The following MESP1 variants were observed in gnomAD, a reference collection of about 807,000 sequenced individuals.
MESP1 encodes the protein mesoderm posterior bHLH transcription factor 1, also known as mesoderm posterior protein 1.
MESP1 carries 22 observed loss-of-function variants against 15.2 expected under a neutral mutation model. The observed-to-expected ratio is 1.45, with a 90% CI of 1.04 to 2.07. MESP1 has a LOEUF of 2.07. Among genes scored for constraint, MESP1 ranks in the 30% most tolerant of loss-of-function variants. The pLI is 0.00. For missense variants in MESP1, 484 were observed against 411.9 expected (o/e 1.17, Z -1.51); for synonymous variants, 216 against 192.6 (o/e 1.12, Z -1.01).
the MESP1 span, among the ~76,000 whole-genome samples, chr15:89,741,546 A>G: frequency 6.6e-6 from 1 of 152,192 alleles, no homozygotes; most frequent in African/African-American, 2.4e-5. Context: ...ACCATTACAG[A>G]TACAGGGAAT....
the MESP1 span, chr15:89,738,252 T>A: frequency 1.3e-6 from 2 of 1,573,416 alleles, no homozygotes; most frequent in East Asian, 2.3e-5. Context: ...GAGCTCTGTG[T>A]CTTCACCCCC....
the MESP1 span, among the ~76,000 whole-genome samples, chr15:89,736,707 G>A: frequency 0.31 from 46,954 of 151,700 alleles, 7,568 homozygotes; most frequent in South Asian, 0.38. Flanking sequence ...AGGAGGTGGG[G>A]GAGTGGACAG....
chr15:89,741,675 G>C, the MESP1 span, among the ~76,000 whole-genome samples: 1 of 152,242 alleles, frequency 6.6e-6, no homozygotes, highest in South Asian at 2.1e-4. Flanking sequence ...GCTTGGTTCT[G>C]AGACAGTGAA....
chr15:89,747,999 G>A (rs1304071297), downstream of MESP1, among the ~76,000 whole-genome samples: 1 of 152,164 alleles, frequency 6.6e-6, no homozygotes, highest in Non-Finnish European at 1.5e-5. Flanking sequence ...CTGAGTCTGG[G>A]CAGCTATTAG....
chr15:89,747,577 G>A (rs559857109), downstream of MESP1, among the ~76,000 whole-genome samples: 5 of 152,324 alleles, frequency 3.3e-5, no homozygotes, highest in African/African-American at 1.2e-4. Flanking sequence ...CCACAGTGGG[G>A]CACCCTGACT....
In MESP1 at chr15:89,750,773, C is replaced by G. The variant is rs374166240; in HGVS notation, c.459G>C (p.Gln153His). Reference sequence around the variant, plus strand: ...CCCGAGGGGACCCCGCGTCACCGCGCTGCCGGCACCGGCGCTGGAGACTCT... The same window carrying G: ...CCCGAGGGGACCCCGCGTCACCGCGGTGCCGGCACCGGCGCTGGAGACTCT... ...SEESLQRRCR[Q>H]RGDAGSPRGC... Residue 153 changes from glutamine to histidine, a missense_variant, in exon 1 of 2, where the codon CAG becomes CAC. Coordinates refer to ENST00000300057, the MANE Select transcript of MESP1 (RefSeq NM_018670.4). 183 of 1,498,164 alleles carry G rather than the reference C, an allele frequency of 1.2e-4. No homozygotes were observed. The highest frequency in any genetic ancestry group is 7.1e-4 in the Middle Eastern group (4 of 5,628). The allele number at this position is 1,498,164 out of a possible 1,614,324, so 92.8% of individuals were successfully genotyped here. A position where few individuals can be genotyped will look rare whatever the true frequency, so the allele number is the denominator to read the frequency against.
the MESP1 span, chr15:89,733,136 T>G: frequency 3.1e-6 from 5 of 1,614,092 alleles, no homozygotes; most frequent in East Asian, 1.1e-4. Flanking sequence ...AAATGAAATG[T>G]GTGGTGCTGT....
the MESP1 span, among the ~76,000 whole-genome samples, chr15:89,736,460 G>T: frequency 1.3e-5 from 2 of 152,124 alleles, no homozygotes; most frequent in Admixed American, 1.3e-4. Flanking sequence ...CGTACAGCAG[G>T]TTCCCCTTGT....
At chr15:89,743,137 G>A in the MESP1 span, among the ~76,000 whole-genome samples, 1 of 152,246 alleles carries the variant, frequency 6.6e-6, no homozygotes, top group East Asian at 1.9e-4. Flanking sequence ...AGCACCTGCT[G>A]TGTACCAGGC....
chr15:89,747,048 A>G (rs1314657487), downstream of MESP1, among the ~76,000 whole-genome samples: 2 of 121,244 alleles, frequency 1.6e-5, no homozygotes, highest in South Asian at 5.5e-4. Context: ...ACACATGCGC[A>G]TGCACACACA....
chr15:89,750,553 C>A lies in MESP1; in HGVS notation c.679G>T (p.Ala227Ser), dbSNP rs1452283645. Residue 227 changes from alanine to serine, a missense_variant, in exon 1 of 2, where the codon GCG becomes TCG. By Grantham distance (99) the Ala-to-Ser change is moderately conservative (BLOSUM62 1). Transcript: ENST00000300057. ...RDPPALFAEA[A>S]CPEGQAMEPS... is the part of the protein sequence containing the mutation. Reference sequence around the variant, plus strand: ...TCCATCGCCTGCCCTTCAGGGCACGCCGCCTCGGCGAACAGCGCAGGCGGG... The same window carrying A: ...TCCATCGCCTGCCCTTCAGGGCACGACGCCTCGGCGAACAGCGCAGGCGGG... The A allele has an allele frequency of 2.0e-6, 3 of 1,474,668 alleles. No homozygotes were observed. Among genetic ancestry groups the A allele is most frequent in the East Asian group, 5.0e-5 (2 of 39,912 alleles). 91.3% of individuals were successfully genotyped at this position (1,474,668 alleles called of 1,614,324 possible). A position where few individuals can be genotyped will look rare whatever the true frequency, so the allele number is the denominator to read the frequency against.
chr15:89,748,060 C>G (rs1001375574), downstream of MESP1, among the ~76,000 whole-genome samples: 1 of 152,234 alleles, frequency 6.6e-6, no homozygotes, highest in South Asian at 2.1e-4. Context: ...AACACTGGGC[C>G]ACTCCCAGGC....
downstream of MESP1, among the ~76,000 whole-genome samples, chr15:89,748,103 G>A (rs1351895315): frequency 1.3e-5 from 2 of 152,248 alleles, no homozygotes; most frequent in Admixed American, 6.5e-5. Flanking sequence ...CTGCAGGGAA[G>A]GGGGCTAGCC....
In MESP1 at chr15:89,751,079, G is replaced by T. The variant is rs186639508; in HGVS notation, c.153C>A (p.Pro51=). The T allele has an allele frequency of 3.0e-3, 4,026 of 1,323,810 alleles. 115 individuals carry two copies. In the African/African-American group the frequency reaches 0.056, roughly 18 times the overall value. 82.0% of individuals were successfully genotyped at this position (1,323,810 alleles called of 1,614,324 possible). Residue 51 remains proline (P), a synonymous_variant, in exon 1 of 2, where the codon CCC becomes CCA. Transcript: ENST00000300057. Reference sequence around the variant, plus strand: ...TGCCTGGCCGCGCGGGGCTCGCCACGGGGCTGTCGGCTGGGGTGCTGCCCC... The same window carrying T: ...TGCCTGGCCGCGCGGGGCTCGCCACTGGGCTGTCGGCTGGGGTGCTGCCCC... ...DSWGSTPADS[P]VASPARPGTL...
chr15:89,741,190 T>C, the MESP1 span, among the ~76,000 whole-genome samples: 27 of 152,346 alleles, frequency 1.8e-4, no homozygotes, highest in African/African-American at 5.5e-4. Context: ...CTATTACACA[T>C]AAATCACACC....
rs1056700149 is a variant in MESP1, at chr15:89,750,664, C to A, written c.568G>T (p.Gly190Cys). The A allele has an allele frequency of 2.7e-5, 37 of 1,361,712 alleles. No individual in the cohort carries two copies. The highest frequency in any genetic ancestry group is 3.4e-5 in the Non-Finnish European group (36 of 1,064,948). The allele number at this position is 1,361,712 out of a possible 1,614,324, so 84.4% of individuals were successfully genotyped here. The change falls in exon 1 of 2, where the codon GGC (glycine) becomes TGC (cysteine). Residue 190 changes from glycine to cysteine, a missense_variant. Transcript: ENST00000300057. ...CCGGCGCGGACGGCGGATACCAGGC[C>A]CAGCCCGCGCCCCTGCCCCTGCCCC... The part of the protein sequence containing the change: ...AEGQGQGRGL[G>C]LVSAVRAGAS...
chr15:89,741,059 G>T, the MESP1 span, among the ~76,000 whole-genome samples: 2 of 152,040 alleles, frequency 1.3e-5, no homozygotes, highest in Admixed American at 6.5e-5. Flanking sequence ...AGAATTGCTT[G>T]AACTCAGGAG....
chr15:89,746,124 C>G (rs1395876989), downstream of MESP1, among the ~76,000 whole-genome samples: 1 of 147,290 alleles, frequency 6.8e-6, no homozygotes, highest in African/African-American at 2.6e-5. Context: ...GCATCCACAC[C>G]TCCACACAGC....
chr15:89,741,496 G>T, the MESP1 span, among the ~76,000 whole-genome samples: 1 of 152,156 alleles, frequency 6.6e-6, no homozygotes, highest in Non-Finnish European at 1.5e-5. Context: ...ACAAATTTCT[G>T]GGACTATCAG....
Sources: gnomAD v4.1 joint callset for allele counts (sites outside exome capture counted in the v4.1 genomes callset) on GRCh38, gnomAD v4.1.1 for gene constraint, MANE v1.5 for transcripts, NCBI Gene and HGNC (gene_info 2026-07-23, HGNC 2026-07-21) for gene names.